PEBP4: variants seen among roughly 807,000 people sequenced by gnomAD.
PEBP4 encodes the protein phosphatidylethanolamine-binding protein 4.
In PEBP4, 22 loss-of-function variants were observed where a neutral mutation model predicts 23.9. The ratio of observed to expected loss-of-function variants is 0.92; its 90% confidence interval spans 0.66 to 1.31. The LOEUF (loss-of-function observed/expected upper bound fraction) is 1.31. Among genes scored for constraint, PEBP4 ranks in the 40% most tolerant of loss-of-function variants. The probability of loss-of-function intolerance (pLI) is 0.00; values close to 1 mark genes in which losing one functional copy is unlikely to be tolerated. For missense variants in PEBP4, 324 were observed against 281.7 expected, an observed-to-expected ratio of 1.15 and a Z score of -1.07; for synonymous variants, 112 against 99.3, an observed-to-expected ratio of 1.13 and a Z score of -0.76.
At position 22,865,965 on chromosome 8, in the gene PEBP4, G is replaced by A. The variant is rs1807893493; in HGVS notation, c.259-48230C>T. On this transcript the variant is annotated intron_variant, in intron 3 of 6. Transcript: ENST00000256404. This position sits in a 1 kb window ranked among gnomAD's most constrained non-coding sequence, Gnocchi z 6.9. Reference sequence around the variant, plus strand: ...CGCCGGGCGGTGCTGCCCGGAGAGCGCGCAGCCCCCAGCCGGCCGCGCCAG... The same window carrying A: ...CGCCGGGCGGTGCTGCCCGGAGAGCACGCAGCCCCCAGCCGGCCGCGCCAG... 6.6e-6 allele frequency among the ~76,000 whole-genome samples: 1 copy of A among 151,834 alleles called. No individual in the cohort carries two copies. The highest frequency in any genetic ancestry group is 2.1e-4 in the South Asian group (1 of 4,824).
At chr8:22,884,007 C>G (rs1049244437) in intron 3 of PEBP4, 1 of 152,186 alleles carries the variant, frequency 6.6e-6, no homozygotes, top group African/African-American at 2.4e-5. Flanking sequence ...TGCCCGGACA[C>G]GTGTCCTCCA....
At chr8:22,808,543 G>A (rs985637617) in intron 4 of PEBP4, among the ~76,000 whole-genome samples, 5 of 152,230 alleles carry the variant, frequency 3.3e-5, no homozygotes, top group Admixed American at 6.5e-5. Flanking sequence ...CACTAATTGA[G>A]GTTTAACTGA....
In PEBP4 at chr8:22,767,335, C is replaced by T. The variant is rs190914169; in HGVS notation, c.358-40115G>A. ...TGAGATGTATCACAAGCAAATGCTG[C>T]CAAAAATAAAGTGCTGTGGTTTTTG... On this transcript the variant is annotated intron_variant, in intron 4 of 6. Transcript: ENST00000256404. Among the ~76,000 whole-genome samples the T allele has an allele frequency of 1.8e-3, 278 of 152,256 alleles. 2 individuals are homozygous for T. The highest frequency in any genetic ancestry group is 6.5e-3 in the African/African-American group (269 of 41,520).
chr8:22,867,611 C>A (rs1396261859), intron 3 of PEBP4, among the ~76,000 whole-genome samples: 1 of 152,176 alleles, frequency 6.6e-6, no homozygotes, highest in Non-Finnish European at 1.5e-5. Context: ...CCCCCTCTGG[C>A]TCCAGCCTTC....
At chr8:22,716,449 C>T (rs1804421216) in intron 6 of PEBP4, among the ~76,000 whole-genome samples, 1 of 152,194 alleles carries the variant, frequency 6.6e-6, no homozygotes, top group African/African-American at 2.4e-5. Context: ...TGCCTGGCCT[C>T]CTATTAGGCT....
intron 4 of PEBP4, among the ~76,000 whole-genome samples, chr8:22,730,038 C>T (rs1804699475): frequency 6.6e-6 from 1 of 152,094 alleles, no homozygotes; most frequent in African/African-American, 2.4e-5. Context: ...GACCCCAGGC[C>T]CTTCGAGATC....
rs1805801127 is a variant in PEBP4 at position 22,775,670 on chromosome 8, A to T, written c.357+41967T>A. Among the ~76,000 whole-genome samples the T allele has an allele frequency of 6.6e-6, 1 of 152,118 alleles. No individual in the cohort carries two copies. The highest frequency in any genetic ancestry group is 2.4e-5 in the African/African-American group (1 of 41,424). On this transcript the variant is annotated intron_variant, in intron 4 of 6. Transcript: ENST00000256404. This position sits in a 1 kb window ranked among gnomAD's most constrained non-coding sequence, Gnocchi z 4.8. ...GGGACGGAGGCAGCGTCTCTGCGGC[A>T]TACCAGCAAACCAGAAATTAGCTCC... is the stretch of plus-strand genomic sequence containing the variant.
At chr8:22,902,172 T>C (rs1235806594) in intron 3 of PEBP4, among the ~76,000 whole-genome samples, 10 of 151,492 alleles carry the variant, frequency 6.6e-5, no homozygotes, top group Non-Finnish European at 1.5e-4. Context: ...TTACTAAAAA[T>C]ACAAAAATTA....
chr8:22,876,290 G>T (rs747539892), intron 3 of PEBP4, among the ~76,000 whole-genome samples: 1 of 152,188 alleles, frequency 6.6e-6, no homozygotes, highest in East Asian at 1.9e-4. Context: ...CAACGGTGGC[G>T]TGTCTACTGG....
intron 3 of PEBP4, among the ~76,000 whole-genome samples, chr8:22,858,294 T>C (rs563766008): frequency 6.6e-6 from 1 of 152,312 alleles, no homozygotes; most frequent in Admixed American, 6.5e-5. Flanking sequence ...GTGTAGCTGT[T>C]TTTAGCAACG....
At chr8:22,897,182 C>T (rs1033930389) in intron 3 of PEBP4, among the ~76,000 whole-genome samples, 14 of 151,934 alleles carry the variant, frequency 9.2e-5, no homozygotes, top group African/African-American at 3.4e-4. Flanking sequence ...AAAATACAGC[C>T]CCTTTTCTTC....
chr8:22,743,968 C>T (rs905411465), intron 4 of PEBP4, among the ~76,000 whole-genome samples: 1 of 152,188 alleles, frequency 6.6e-6, no homozygotes, highest in Non-Finnish European at 1.5e-5. Context: ...TTTGGCTTCT[C>T]GGAGCTTGGT....
At chr8:22,896,498 C>T (rs766427071) in intron 3 of PEBP4, among the ~76,000 whole-genome samples, 14 of 152,162 alleles carry the variant, frequency 9.2e-5, no homozygotes, top group South Asian at 2.1e-4. Context: ...CTCACTCAGG[C>T]GCACTCCTAC....
intron 4 of PEBP4, among the ~76,000 whole-genome samples, chr8:22,747,814 A>C (rs1805160121): frequency 1.3e-5 from 2 of 152,136 alleles, no homozygotes. Flanking sequence ...TGGCCATAAA[A>C]GTCTCCCGGA....
intron 3 of PEBP4, among the ~76,000 whole-genome samples, chr8:22,874,431 T>C (rs1808077345): frequency 6.6e-6 from 1 of 152,182 alleles, no homozygotes; most frequent in Non-Finnish European, 1.5e-5. Flanking sequence ...TTCAGTTAAC[T>C]GCATCCGTTA....
chr8:22,804,413 G>A lies in PEBP4; in HGVS notation c.357+13224C>T, dbSNP rs181508889. Among the ~76,000 whole-genome samples the A allele has an allele frequency of 2.0e-5, 3 of 152,252 alleles. No homozygotes were observed. The East Asian group carries it at 5.8e-4, about 29-fold the overall frequency. On this transcript the variant is annotated intron_variant, in intron 4 of 6. Transcript: ENST00000256404. ...TCTGTGTGCCAGACTCCTTGCCCAGGCCTGGATAAAGACCGGACATTGGCG... is the reference window on the plus strand; with the variant it reads ...TCTGTGTGCCAGACTCCTTGCCCAGACCTGGATAAAGACCGGACATTGGCG...
intron 3 of PEBP4, among the ~76,000 whole-genome samples, chr8:22,867,026 T>C (rs1339605709): frequency 6.6e-6 from 1 of 152,036 alleles, no homozygotes; most frequent in African/African-American, 2.4e-5. Context: ...ATCTGTGTGA[T>C]AGGAACGAAG....
intron 2 of PEBP4, among the ~76,000 whole-genome samples, chr8:22,925,960 T>C (rs2128781810): frequency 6.6e-6 from 1 of 152,182 alleles, no homozygotes; most frequent in South Asian, 2.1e-4. Context: ...CCCAGAACTG[T>C]TTTCTTGCTT....
At chr8:22,739,042 C>G (rs1453990311) in intron 4 of PEBP4, among the ~76,000 whole-genome samples, 1 of 152,170 alleles carries the variant, frequency 6.6e-6, no homozygotes, top group Non-Finnish European at 1.5e-5. Context: ...TCTCCAGGCC[C>G]CTGGCAGGGG....
Sources: allele counts gnomAD v4.1 joint callset (sites outside exome capture counted in the v4.1 genomes callset), GRCh38; gene constraint gnomAD v4.1.1; non-coding constraint Gnocchi (gnomAD v3.1); transcripts MANE v1.5; gene names NCBI Gene and HGNC (gene_info 2026-07-23, HGNC 2026-07-21).